Variants in CDH13 observed in about 807,000 individuals in gnomAD.
CDH13 encodes cadherin-13.
CDH13 carries 24 observed loss-of-function variants against 63.8 expected under a neutral mutation model. The ratio of observed to expected loss-of-function variants is 0.38; its 90% CI spans 0.27 to 0.53. The LOEUF (loss-of-function observed/expected upper bound fraction) is 0.53. CDH13 is among the 20% of genes least tolerant of loss of function. CDH13 has a pLI of 0.85. For synonymous variants in CDH13, 503 were observed against 355.3 expected, an observed-to-expected ratio of 1.42 and a Z score of -4.67; for missense variants, 1,049 against 903.1, an observed-to-expected ratio of 1.16 and a Z score of -2.07.
chr16:83,339,332 C>G (rs1207709706), intron 5 of CDH13, among the ~76,000 whole-genome samples: 1 of 152,104 alleles, frequency 6.6e-6, no homozygotes, highest in African/African-American at 2.4e-5. Context: ...TCTGGTTGCT[C>G]AAAAATCCTT....
intron 1 of CDH13, among the ~76,000 whole-genome samples, chr16:82,827,758 G>A (rs1003915810): frequency 1.8e-4 from 27 of 152,148 alleles, no homozygotes; most frequent in African/African-American, 5.6e-4. Flanking sequence ...AAATAGACCT[G>A]ATAGTGGTTG....
intron 1 of CDH13, among the ~76,000 whole-genome samples, chr16:82,766,739 A>T (rs1274576331): frequency 1.3e-5 from 2 of 152,050 alleles, no homozygotes; most frequent in African/African-American, 2.4e-5. Context: ...AAATCCCCCA[A>T]ATTGCTTTCT....
chr16:83,769,751 G>A (rs752453255), intron 11 of CDH13, among the ~76,000 whole-genome samples: 3 of 152,144 alleles, frequency 2.0e-5, no homozygotes, highest in Admixed American at 6.5e-5. Flanking sequence ...TCTGCAAATT[G>A]ACTGTCAATT....
intron 10 of CDH13, among the ~76,000 whole-genome samples, chr16:83,686,189 G>T (rs1904312231): frequency 6.6e-6 from 1 of 152,230 alleles, no homozygotes; most frequent in African/African-American, 2.4e-5. Flanking sequence ...TACTGCTGAT[G>T]TTGGCTTAAG....
At chr16:83,485,674 G>C (rs1305022419) in intron 6 of CDH13, among the ~76,000 whole-genome samples, 1 of 152,070 alleles carries the variant, frequency 6.6e-6, no homozygotes, top group African/African-American at 2.4e-5. Context: ...AGATAAGGTT[G>C]TTCATCTCTG....
chr16:83,488,769 C>T (rs1199503125), intron 7 of CDH13, among the ~76,000 whole-genome samples: 5 of 152,036 alleles, frequency 3.3e-5, no homozygotes, highest in Non-Finnish European at 4.4e-5. Context: ...GGAATACAGG[C>T]GCCTGCCACC....
intron 5 of CDH13, among the ~76,000 whole-genome samples, chr16:83,271,373 T>C (rs2088802497): frequency 7.9e-6 from 1 of 126,954 alleles, no homozygotes; most frequent in East Asian, 2.4e-4. Context: ...AGCAACATTC[T>C]TGTGTTGGAT....
intron 4 of CDH13, among the ~76,000 whole-genome samples, chr16:83,142,093 A>G (rs2036555280): frequency 6.6e-6 from 1 of 151,500 alleles, no homozygotes; most frequent in African/African-American, 2.4e-5. Context: ...GAAACGGGCT[A>G]TCTGGTGAGC....
chr16:82,693,507 G>C (rs566131033), intron 1 of CDH13, among the ~76,000 whole-genome samples: 7 of 152,078 alleles, frequency 4.6e-5, no homozygotes, highest in Non-Finnish European at 1.0e-4. Flanking sequence ...TAAACATTTA[G>C]TTACTCGCTC....
chr16:82,960,492 A>C (rs1305141477), intron 2 of CDH13, among the ~76,000 whole-genome samples: 1 of 152,214 alleles, frequency 6.6e-6, no homozygotes, highest in Non-Finnish European at 1.5e-5. Flanking sequence ...GGGAAGCTGG[A>C]GAGAAAGTGG....
At chr16:82,673,445 C>T (rs567303422) in intron 1 of CDH13, among the ~76,000 whole-genome samples, 2 of 152,262 alleles carry the variant, frequency 1.3e-5, no homozygotes, top group African/African-American at 2.4e-5. Flanking sequence ...ATTTTTTGCA[C>T]AACAAACGTT....
chr16:82,798,703 G>T (rs1461583184), intron 1 of CDH13, among the ~76,000 whole-genome samples: 1 of 152,114 alleles, frequency 6.6e-6, no homozygotes, highest in East Asian at 1.9e-4. Flanking sequence ...TAGCCTGTTT[G>T]GGTTTGGGGA....
intron 1 of CDH13, among the ~76,000 whole-genome samples, chr16:82,717,931 A>G (rs1241632080): frequency 6.6e-6 from 1 of 152,202 alleles, no homozygotes; most frequent in South Asian, 2.1e-4. Context: ...TGAGTTTCCT[A>G]AAAGAAAATA....
In CDH13 at chr16:83,748,217, G is replaced by T; in HGVS notation, c.1648G>T (p.Val550Leu). Residue 550 changes from valine (V) to leucine (L), a missense_variant, in exon 11 of 14, where the codon GTG (valine) becomes TTG (leucine). By Grantham distance (32) the Val-to-Leu change is conservative. Coordinates refer to ENST00000567109, the MANE Select transcript of CDH13 (RefSeq NM_001257.5). ...TGAGTCCCCATTTGTCGACAACAGC[G>T]TGTACACTGCTCTCTTCCTGGCAAT... ...DRESPFVDNS[V>L]YTALFLAIDS... is the part of the protein sequence containing the mutation. 2 of 1,613,566 alleles carry T rather than the reference G, an allele frequency of 1.2e-6. No individual in the cohort carries two copies. The highest frequency in any genetic ancestry group is 1.1e-5 in the South Asian group (1 of 91,044).
At chr16:82,946,286 G>A (rs998486864) in intron 2 of CDH13, among the ~76,000 whole-genome samples, 2 of 152,052 alleles carry the variant, frequency 1.3e-5, no homozygotes, top group Admixed American at 1.3e-4. Context: ...TGGAAGGATG[G>A]AATAATGGAA....
At chr16:83,031,659 C>A (rs1244578537) in intron 2 of CDH13, among the ~76,000 whole-genome samples, 1 of 151,986 alleles carries the variant, frequency 6.6e-6, no homozygotes. Context: ...TCCTGAGCAC[C>A]CTGTGGTTCT....
intron 1 of CDH13, among the ~76,000 whole-genome samples, chr16:82,787,841 A>AGTGTGCGTGTGTGTGTGTGTGTGTGT (rs1555516773): frequency 4.7e-4 from 69 of 146,770 alleles, no homozygotes; most frequent in Non-Finnish European, 8.7e-4. Flanking sequence ...GAAGGGAGGA[A>AGTGTGCGTGTGTGTGTGTGTGTGTGT]GTGTGTGTGT....
chr16:82,723,282 G>A (rs1399543519), intron 1 of CDH13, among the ~76,000 whole-genome samples: 1 of 152,168 alleles, frequency 6.6e-6, no homozygotes, highest in Non-Finnish European at 1.5e-5. Flanking sequence ...TCTGCTCTCA[G>A]GGCTGTGTTT....
At chr16:83,530,739 C>G (rs533698424) in intron 7 of CDH13, among the ~76,000 whole-genome samples, 13 of 152,250 alleles carry the variant, frequency 8.5e-5, no homozygotes, top group African/African-American at 3.1e-4. Context: ...AGTGACTTTC[C>G]CAAGTCACTC....
Sources: gnomAD v4.1 joint callset for allele counts (sites outside exome capture counted in the v4.1 genomes callset) on GRCh38, gnomAD v4.1.1 for gene constraint, MANE v1.5 for transcripts, NCBI Gene and HGNC (gene_info 2026-07-23, HGNC 2026-07-21) for gene names.